The following LRRTM4 variants were observed in gnomAD, a reference collection of about 807,000 sequenced individuals.
The protein encoded by LRRTM4 is leucine-rich repeat transmembrane neuronal protein 4.
A neutral mutation model predicts 47.6 loss-of-function variants in LRRTM4; 25 were observed. The ratio of observed to expected loss-of-function variants is 0.53; its 90% CI spans 0.38 to 0.73. The LOEUF (loss-of-function observed/expected upper bound fraction) is 0.73, where lower values mean the gene tolerates loss of function less well. Ranked by LOEUF, LRRTM4 falls within the 30% of genes least tolerant of loss-of-function variation. The pLI is 0.00. For missense variants in LRRTM4, 638 were observed against 713.4 expected (o/e 0.89, Z 1.20); for synonymous variants, 311 against 269.5 (o/e 1.15, Z -1.51).
At chr2:77,375,759 C>T (rs1271451322) in intron 3 of LRRTM4, among the ~76,000 whole-genome samples, 4 of 151,620 alleles carry the variant, frequency 2.6e-5, no homozygotes, top group South Asian at 2.1e-4. Flanking sequence ...TGCATACGGC[C>T]GGATTTCTTT....
intron 3 of LRRTM4, among the ~76,000 whole-genome samples, chr2:77,321,535 T>G (rs1677787630): frequency 1.1e-5 from 1 of 92,690 alleles, no homozygotes; most frequent in Non-Finnish European, 1.9e-5. Flanking sequence ...TCCAAATAAG[T>G]GTTGGCTAAA....
intron 3 of LRRTM4, among the ~76,000 whole-genome samples, chr2:77,457,484 C>T (rs1231390684): frequency 6.6e-6 from 1 of 152,046 alleles, no homozygotes; most frequent in Non-Finnish European, 1.5e-5. Context: ...CACCAACATT[C>T]CTGCCTTCAT....
At chr2:77,069,421 G>A (rs1573526725) in intron 3 of LRRTM4, among the ~76,000 whole-genome samples, 1 of 151,544 alleles carries the variant, frequency 6.6e-6, no homozygotes, top group South Asian at 2.1e-4. Flanking sequence ...GTGTGTGTGT[G>A]TGTGTGTGTG....
intron 3 of LRRTM4, among the ~76,000 whole-genome samples, chr2:76,873,500 ATGTGTG>A (rs374256776): frequency 3.8e-4 from 39 of 103,376 alleles, no homozygotes; most frequent in Non-Finnish European, 5.5e-4. Context: ...GTGTATATAT[ATGTGTG>A]TATATATATA....
intron 3 of LRRTM4, among the ~76,000 whole-genome samples, chr2:77,027,561 T>A (rs1009876379): frequency 5.3e-5 from 8 of 152,276 alleles, no homozygotes; most frequent in African/African-American, 1.7e-4. Context: ...CATTTTAATA[T>A]CTTAACAAAT....
rs1179285171 is a variant in LRRTM4 at position 76,888,742 on chromosome 2, G to T, written c.1552-139826C>A. ...TTTTTCTTTTAGTACTATGTATTTTGTTCTGCACTTTTGCTCCTATGTAGA... is the reference window on the plus strand; with the variant it reads ...TTTTTCTTTTAGTACTATGTATTTTTTTCTGCACTTTTGCTCCTATGTAGA... On this transcript the variant is annotated intron_variant, in intron 3 of 3. Transcript: ENST00000409884. Among the ~76,000 whole-genome samples the T allele has an allele frequency of 3.3e-5, 5 of 151,092 alleles. No homozygotes were observed. In the East Asian group the frequency reaches 7.8e-4, roughly 23 times the overall value.
intron 3 of LRRTM4, among the ~76,000 whole-genome samples, chr2:76,848,371 T>C (rs1390067152): frequency 6.6e-6 from 1 of 152,064 alleles, no homozygotes; most frequent in Non-Finnish European, 1.5e-5. Flanking sequence ...CTTTGGCCTC[T>C]TCTTATTTTT....
chr2:77,375,579 T>TA (rs771692584), intron 3 of LRRTM4, among the ~76,000 whole-genome samples: 5 of 151,792 alleles, frequency 3.3e-5, no homozygotes, highest in Admixed American at 6.6e-5. Flanking sequence ...TACACCTGAA[T>TA]AACAACTTTT....
chr2:77,504,819 G>A (rs1294858421), intron 3 of LRRTM4, among the ~76,000 whole-genome samples: 2 of 151,302 alleles, frequency 1.3e-5, no homozygotes, highest in Non-Finnish European at 3.0e-5. Context: ...TGTTATACAT[G>A]CTAAATTTTC....
At chr2:77,428,853 T>C (rs1425356290) in intron 3 of LRRTM4, among the ~76,000 whole-genome samples, 4 of 152,230 alleles carry the variant, frequency 2.6e-5, no homozygotes, top group African/African-American at 9.6e-5. Flanking sequence ...ATGTCTGAAT[T>C]CATCGGTATG....
At chr2:76,913,442 C>A (rs928040850) in intron 3 of LRRTM4, among the ~76,000 whole-genome samples, 1 of 151,602 alleles carries the variant, frequency 6.6e-6, no homozygotes, top group African/African-American at 2.4e-5. Flanking sequence ...AATTGGAAAC[C>A]TTTACATTGA....
chr2:76,812,562 G>C (rs186625778), intron 3 of LRRTM4, among the ~76,000 whole-genome samples: 8 of 152,226 alleles, frequency 5.3e-5, no homozygotes, highest in African/African-American at 1.9e-4. Flanking sequence ...GGTTTGATAA[G>C]AGCCTGTATT....
chr2:77,191,534 TAA>T (rs1673669278), intron 3 of LRRTM4, among the ~76,000 whole-genome samples: 1 of 151,794 alleles, frequency 6.6e-6, no homozygotes, highest in East Asian at 1.9e-4. Flanking sequence ...TTCCTTAGGA[TAA>T]AAGTCACTAA....
chr2:77,186,539 C>T (rs1010426350), intron 3 of LRRTM4, among the ~76,000 whole-genome samples: 2 of 152,000 alleles, frequency 1.3e-5, no homozygotes, highest in Admixed American at 6.6e-5. Context: ...CCAATGTCCA[C>T]ATAGAAAGCA....
At chr2:77,450,575 T>C (rs937880112) in intron 3 of LRRTM4, among the ~76,000 whole-genome samples, 26 of 152,184 alleles carry the variant, frequency 1.7e-4, no homozygotes, top group African/African-American at 5.8e-4. Context: ...AAGAATTTAA[T>C]AGGAGTTTGC....
At chr2:76,989,237 A>G (rs1676917746) in intron 3 of LRRTM4, among the ~76,000 whole-genome samples, 1 of 151,776 alleles carries the variant, frequency 6.6e-6, no homozygotes, top group Non-Finnish European at 1.5e-5. Context: ...TTGAAAATTT[A>G]ATAATCTATT....
At chr2:77,068,114 CATAAAT>C (rs1317647190) in intron 3 of LRRTM4, among the ~76,000 whole-genome samples, 2 of 152,148 alleles carry the variant, frequency 1.3e-5, no homozygotes, top group East Asian at 1.9e-4. Context: ...TTTCATTTTT[CATAAAT>C]ATAGAGACTG....
intron 3 of LRRTM4, among the ~76,000 whole-genome samples, chr2:76,918,867 C>T (rs1456293983): frequency 6.6e-6 from 1 of 152,076 alleles, no homozygotes. Context: ...CGATGTATTC[C>T]ACATTTCATA....
chr2:77,507,324 A>T (rs541461786), intron 3 of LRRTM4, among the ~76,000 whole-genome samples: 1 of 152,200 alleles, frequency 6.6e-6, no homozygotes, highest in South Asian at 2.1e-4. Context: ...TTAGTAAAAA[A>T]CTCAGTGAGA....
Sources: allele counts gnomAD v4.1 joint callset (sites outside exome capture counted in the v4.1 genomes callset), GRCh38; gene constraint gnomAD v4.1.1; transcripts MANE v1.5; gene names NCBI Gene and HGNC (gene_info 2026-07-23, HGNC 2026-07-21).